Variants in LRRC49 observed in about 807,000 individuals in gnomAD.
The protein encoded by LRRC49 is leucine-rich repeat-containing protein 49.
Under a neutral mutation model 83.3 loss-of-function variants are expected in LRRC49, and 50 were observed. The observed-to-expected ratio is 0.60, with a 90% CI of 0.48 to 0.76. The LOEUF is 0.76. Ranked by LOEUF, LRRC49 falls within the 30% of genes least tolerant of loss-of-function variation. The probability of loss-of-function intolerance (pLI) is 0.00; values close to 1 mark genes in which losing one functional copy is unlikely to be tolerated. For missense variants in LRRC49, 704 were observed against 809.1 expected (o/e 0.87, Z 1.58); for synonymous variants, 286 against 283.3 (o/e 1.01, Z -0.10).
intron 1 of LRRC49, chr15:70,859,620 T>G: frequency 3.1e-6 from 2 of 641,736 alleles, no homozygotes; most frequent in South Asian, 2.8e-5. Context: ...CTGCAGCCTA[T>G]AAAGACTGAG....
intron 7 of LRRC49, among the ~76,000 whole-genome samples, chr15:70,922,398 C>G (rs2035040683): frequency 6.6e-6 from 1 of 152,064 alleles, no homozygotes. Flanking sequence ...AACTGGAGAT[C>G]ACATTAACCG....
intron 9 of LRRC49, among the ~76,000 whole-genome samples, chr15:70,975,331 T>G (rs1733331474): frequency 1.3e-5 from 2 of 152,252 alleles, no homozygotes; most frequent in East Asian, 1.9e-4. Context: ...TATAGAAAAT[T>G]CTGGGAGGCA....
chr15:70,971,364 T>C (rs982317579), intron 9 of LRRC49, among the ~76,000 whole-genome samples: 1 of 152,180 alleles, frequency 6.6e-6, no homozygotes, highest in Non-Finnish European at 1.5e-5. Flanking sequence ...GTGATTTCCA[T>C]TCTTTTGCAT....
chr15:70,916,478 A>G (rs2034779344), intron 6 of LRRC49, among the ~76,000 whole-genome samples: 1 of 152,106 alleles, frequency 6.6e-6, no homozygotes, highest in African/African-American at 2.4e-5. Context: ...TATTTTTAGT[A>G]GAGACAGGGT....
intron 2 of LRRC49, among the ~76,000 whole-genome samples, chr15:70,876,798 C>T (rs1488746700): frequency 6.6e-6 from 1 of 152,188 alleles, no homozygotes. Context: ...GGCATGCCAT[C>T]TCTAACAAAT....
At chr15:70,985,279 T>C (rs558552755) in intron 11 of LRRC49, among the ~76,000 whole-genome samples, 3 of 151,052 alleles carry the variant, frequency 2.0e-5, no homozygotes, top group African/African-American at 7.3e-5. Flanking sequence ...CTCCACATCC[T>C]CTCCAGCACC....
At chr15:71,031,236 T>A (rs1596162047) in intron 14 of LRRC49, among the ~76,000 whole-genome samples, 1 of 152,340 alleles carries the variant, frequency 6.6e-6, no homozygotes. Context: ...TAGTTTTTCT[T>A]CTAACAGTCA....
intron 11 of LRRC49, among the ~76,000 whole-genome samples, chr15:71,001,988 GCTGT>G (rs1165662417): frequency 1.3e-5 from 2 of 152,094 alleles, no homozygotes; most frequent in African/African-American, 2.4e-5. Flanking sequence ...ACCGTGCCCG[GCTGT>G]CTATCTGCTA....
intron 15 of LRRC49, among the ~76,000 whole-genome samples, chr15:71,045,650 A>G (rs2039832980): frequency 6.6e-6 from 1 of 152,170 alleles, no homozygotes; most frequent in Non-Finnish European, 1.5e-5. Flanking sequence ...TATTTTTTTC[A>G]CATAACATTA....
intron 7 of LRRC49, among the ~76,000 whole-genome samples, chr15:70,923,130 T>C (rs538059612): frequency 6.6e-6 from 1 of 152,182 alleles, no homozygotes; most frequent in Non-Finnish European, 1.5e-5. Flanking sequence ...CATGTTTTAC[T>C]GTGATTTCTT....
At chr15:71,012,783 C>G in intron 13 of LRRC49, 21 bp from the exon 14 acceptor site, 2 of 1,445,558 alleles carry the variant, frequency 1.4e-6, no homozygotes, top group Non-Finnish European at 1.9e-6. Flanking sequence ...TTTTTTACCC[C>G]TTTCTATTGT....
chr15:71,001,494 C>T (rs1469405461), intron 11 of LRRC49, among the ~76,000 whole-genome samples: 1 of 152,176 alleles, frequency 6.6e-6, no homozygotes, highest in Non-Finnish European at 1.5e-5. Context: ...TTTGAGAACA[C>T]AGCCCTTTTT....
At position 71,049,435 on chromosome 15, in the gene LRRC49, T is replaced by C. The variant is rs979909443; in HGVS notation, c.1884T>C (p.Cys628=). ...LEEIKEKKKF[C]KTYIEDLVKE... ...AAATAAAGGAAAAGAAGAAATTCTG[T>C]AAAACATATATAGAAGACCTTGTGA... Residue 628 remains cysteine, a synonymous_variant, in exon 16 of 16, where the codon TGT becomes TGC. Transcript: ENST00000260382. 28 of 1,595,586 alleles carry C rather than the reference T, an allele frequency of 1.8e-5. No individual in the cohort carries two copies. Among genetic ancestry groups the C allele is most frequent in the Non-Finnish European group, 2.2e-5 (26 of 1,173,696 alleles).
intron 15 of LRRC49, among the ~76,000 whole-genome samples, chr15:71,048,240 A>G (rs1166129413): frequency 1.3e-5 from 2 of 151,792 alleles, no homozygotes; most frequent in Non-Finnish European, 2.9e-5. Context: ...GGCATGTGCT[A>G]TTACACCTGG....
intron 11 of LRRC49, among the ~76,000 whole-genome samples, chr15:71,006,705 AGGATCACT>A (rs1370714632): frequency 1.3e-5 from 2 of 152,134 alleles, no homozygotes; most frequent in Non-Finnish European, 2.9e-5. Flanking sequence ...CAAGCCCTCA[AGGATCACT>A]GTGTTTAGTA....
At chr15:70,976,149 T>C (rs1035665884) in intron 9 of LRRC49, among the ~76,000 whole-genome samples, 1 of 152,182 alleles carries the variant, frequency 6.6e-6, no homozygotes, top group Non-Finnish European at 1.5e-5. Context: ...GTTTTGAAGT[T>C]GTTACAGCAG....
intron 2 of LRRC49, chr15:70,894,724 G>A: frequency 2.8e-6 from 2 of 723,274 alleles, no homozygotes; most frequent in South Asian, 1.7e-5. Context: ...TAAAGTGAAG[G>A]GCAGAGTTCA....
chr15:70,987,576 C>A (rs1231807862), intron 11 of LRRC49, among the ~76,000 whole-genome samples: 1 of 151,934 alleles, frequency 6.6e-6, no homozygotes, highest in Non-Finnish European at 1.5e-5. Flanking sequence ...TTGATCCTTT[C>A]AAAAAACCAG....
At chr15:70,904,936 A>G (rs2034241245) in intron 5 of LRRC49, among the ~76,000 whole-genome samples, 181 bp downstream of exon 5, 1 of 152,188 alleles carries the variant, frequency 6.6e-6, no homozygotes, top group African/African-American at 2.4e-5. Flanking sequence ...CAGTATGACA[A>G]TTTGTCACAC....
Sources: allele counts gnomAD v4.1 joint callset (sites outside exome capture counted in the v4.1 genomes callset), GRCh38; gene constraint gnomAD v4.1.1; transcripts MANE v1.5; gene names NCBI Gene and HGNC (gene_info 2026-07-23, HGNC 2026-07-21).